The following USP28 variants were observed in gnomAD, a reference collection of about 807,000 sequenced individuals.
USP28 encodes ubiquitin specific peptidase 28, also known as ubiquitin carboxyl-terminal hydrolase 28.
USP28 carries 113 observed loss-of-function variants against 145.0 expected under a neutral mutation model. The ratio of observed to expected loss-of-function variants is 0.78; its 90% confidence interval spans 0.67 to 0.91. USP28 has a LOEUF of 0.91. Among genes scored for constraint, USP28 ranks in the 40% least tolerant of loss-of-function variants. USP28 has a pLI of 0.00. For synonymous variants in USP28, 447 were observed against 450.9 expected (o/e 0.99, Z 0.11); for missense variants, 1,201 against 1,289.6 (o/e 0.93, Z 1.05).
exon 18 of USP28, chr11:113,808,387 C>T (rs1367963051): frequency 2.5e-6 from 4 of 1,614,118 alleles, no homozygotes; most frequent in Non-Finnish European, 3.4e-6. Flanking sequence ...ACAATCACAG[C>T]ATGCTCAGAC....
Position 113,813,948 on chromosome 11 carries a change from C to G in USP28, c.1680G>C (p.Lys560Asn), listed in dbSNP as rs137875806. The G allele has an allele frequency of 3.7e-6, 6 of 1,605,176 alleles. No individual in the cohort carries two copies. The African/African-American group carries it at 8.1e-5, about 22-fold the overall frequency. ...TCTGAGTAGTACTTGCAATACAAGT[C>G]TTTAAATCTGTTTGGAAAAAGAAAA... Residue 560 changes from lysine (K) to asparagine (N), a missense_variant, in exon 15 of 25, where the codon AAG (lysine) becomes AAC (asparagine). By Grantham distance (94) the Lys-to-Asn change is moderately conservative (BLOSUM62 0). Transcript: ENST00000003302.
At chr11:113,799,114 G>T in exon 25 of USP28, 1 of 1,052,046 alleles carries the variant, frequency 9.5e-7, no homozygotes, top group Non-Finnish European at 1.4e-6. Context: ...ATGCAGCATG[G>T]TTGGGGTCTG....
chr11:113,852,571 G>A (rs780129540), exon 3 of USP28: 1 of 1,614,114 alleles, frequency 6.2e-7, no homozygotes. Flanking sequence ...TGTCTTGACT[G>A]GGCTCCTTAA....
In USP28 at chr11:113,874,381, C is replaced by A. The variant is rs1054935881; in HGVS notation, c.57+1064G>T. On this transcript the variant is annotated intron_variant, in intron 1 of 24. Transcript: ENST00000003302. ...CGGAGGATGCAGTGAGCCGACATCG[C>A]GCCACAGCACTCCAGCCTAGGCAAC... 1.2e-4 allele frequency: 98 copies of A among 816,600 alleles called. 1 individual carries two copies. The highest frequency in any genetic ancestry group is 1.6e-4 in the Non-Finnish European group (97 of 614,974). 50.6% of individuals were successfully genotyped at this position (816,600 alleles called of 1,614,324 possible). A position where few individuals can be genotyped will look rare whatever the true frequency, so the allele number is the denominator to read the frequency against.
At chr11:113,837,085 G>T (rs1348735749) in intron 5 of USP28, among the ~76,000 whole-genome samples, 2 of 152,114 alleles carry the variant, frequency 1.3e-5, no homozygotes, top group African/African-American at 4.8e-5. Flanking sequence ...CACCTCTCCT[G>T]CAGTTCCAAT....
In USP28 at chr11:113,814,976, C is replaced by T. The variant is rs1360008273; in HGVS notation, c.1672+198G>A. Reference sequence around the variant, plus strand: ...CTGAGCCATGAAAATCGCCTGAACCCGGAAGGCGGAGGTTTCAGTGAGCTG... The same window carrying T: ...CTGAGCCATGAAAATCGCCTGAACCTGGAAGGCGGAGGTTTCAGTGAGCTG... On this transcript the variant is annotated intron_variant, in intron 14 of 24. Transcript: ENST00000003302. Among the ~76,000 whole-genome samples, 3 of 151,926 alleles carry T rather than the reference C, an allele frequency of 2.0e-5. No homozygotes were observed. The South Asian group carries it at 6.2e-4, about 32-fold the overall frequency.
chr11:113,799,884 C>T (rs1298417620), intron 24 of USP28, among the ~76,000 whole-genome samples: 1 of 152,128 alleles, frequency 6.6e-6, no homozygotes, highest in Non-Finnish European at 1.5e-5. Context: ...TGTTGGGCTT[C>T]AGGTTGGACA....
At chr11:113,863,226 TAA>T (rs1459248472) in intron 1 of USP28, among the ~76,000 whole-genome samples, 1 of 152,022 alleles carries the variant, frequency 6.6e-6, no homozygotes, top group Non-Finnish European at 1.5e-5. Flanking sequence ...TGTGTTTTTA[TAA>T]AACAGCAATA....
chr11:113,852,575 T>C, exon 3 of USP28: 1 of 1,614,200 alleles, frequency 6.2e-7, no homozygotes, highest in Non-Finnish European at 8.5e-7. Context: ...TTGACTGGGC[T>C]CCTTAACTCT....
At chr11:113,875,569 C>G (rs1565538912) in exon 1 of USP28, 12 of 1,090,132 alleles carry the variant, frequency 1.1e-5, no homozygotes, top group African/African-American at 3.4e-5. Flanking sequence ...CCTCTCAGGA[C>G]TAGGCCCCGC....
chr11:113,857,868 C>CT (rs959124297), intron 1 of USP28, among the ~76,000 whole-genome samples: 82 of 148,054 alleles, frequency 5.5e-4, no homozygotes, highest in Middle Eastern at 3.5e-3. Context: ...CTTTCGTTTC[C>CT]TTTTTTTTTT....
At position 113,812,419 on chromosome 11, in the gene USP28, CG is replaced by C. The variant is rs1565350079; in HGVS notation, c.1828del (p.Arg610AspfsTer28). On this transcript the variant is annotated frameshift_variant, in exon 16 of 25. Transcript: ENST00000003302. LOFTEE classifies it high-confidence loss of function. ...GTCATTGTACTTGAGCCAGCTCTGT[CG>C]GGGTTGATTATAGATATAGGCCCAA... The C allele has an allele frequency of 3.7e-6, 6 of 1,614,066 alleles. No individual in the cohort carries two copies. Among genetic ancestry groups the C allele is most frequent in the Non-Finnish European group, 5.1e-6 (6 of 1,180,006 alleles).
chr11:113,832,062 C>T lies in USP28; in HGVS notation c.760-69G>A, dbSNP rs1944057578. ...AAGAGAAATTAAAATTTATCCTTAT[C>T]CCACCAATGAATTAAGATTATACTA... On this transcript the variant is annotated intron_variant, in intron 7 of 24. Coordinates refer to ENST00000003302, the Ensembl canonical transcript of USP28. 4 of 1,282,992 alleles carry T rather than the reference C, an allele frequency of 3.1e-6. No homozygotes were observed. In the South Asian group the frequency reaches 5.0e-5, roughly 16 times the overall value. The allele number at this position is 1,282,992 out of a possible 1,614,324, so 79.5% of individuals were successfully genotyped here. A position where few individuals can be genotyped will look rare whatever the true frequency, so the allele number is the denominator to read the frequency against.
chr11:113,870,627 G>A (rs979828725), intron 1 of USP28, among the ~76,000 whole-genome samples: 9 of 152,198 alleles, frequency 5.9e-5, no homozygotes, highest in African/African-American at 2.2e-4. Context: ...GCAGGCCTCT[G>A]AACAATCAGC....
At chr11:113,847,875 C>G (rs11214741) in intron 3 of USP28, among the ~76,000 whole-genome samples, 76,916 of 151,982 alleles carry the variant, frequency 0.51, 20,705 homozygotes, top group Non-Finnish European at 0.6. Context: ...AAGGACACCC[C>G]TTCAGTGTGG....
exon 20 of USP28, chr11:113,805,015 T>G (rs746103323): frequency 1.4e-5 from 22 of 1,613,918 alleles, no homozygotes; most frequent in Non-Finnish European, 1.8e-5. Context: ...TTTGGCAAGC[T>G]GATAGAGCCT....
exon 10 of USP28, chr11:113,829,266 C>A: frequency 6.2e-7 from 1 of 1,614,142 alleles, no homozygotes; most frequent in South Asian, 1.1e-5. Context: ...TGGCCCCTTC[C>A]AAACACTCGT....
chr11:113,862,435 G>A (rs1252644302), intron 1 of USP28, among the ~76,000 whole-genome samples: 1 of 152,208 alleles, frequency 6.6e-6, no homozygotes, highest in Non-Finnish European at 1.5e-5. Flanking sequence ...GGTTTGATCT[G>A]ATGAACAATG....
Position 113,875,449 on chromosome 11 carries a change from C to T in USP28, c.53G>A (p.Gly18Asp). The change falls in exon 1 of 25, where the codon GGC (glycine) becomes GAC (aspartate). Residue 18 changes from glycine to aspartate, a missense_variant. By Grantham distance (94) the Gly-to-Asp change is moderately conservative (BLOSUM62 -1). Transcript: ENST00000003302. ...GCTCGCCGCCGCGGAGCCCACCGAG[C>T]CGTGGCCGTCTGCCGCGCCGGCCGC... 5 of 1,249,738 alleles carry T rather than the reference C, an allele frequency of 4.0e-6. No individual in the cohort carries two copies. The highest frequency in any genetic ancestry group is 5.0e-6 in the Non-Finnish European group (5 of 991,020). 77.4% of individuals were successfully genotyped at this position (1,249,738 alleles called of 1,614,324 possible). A position where few individuals can be genotyped will look rare whatever the true frequency, so the allele number is the denominator to read the frequency against.
Sources: gnomAD v4.1 joint callset for allele counts (sites outside exome capture counted in the v4.1 genomes callset) on GRCh38, gnomAD v4.1.1 for gene constraint, MANE v1.5 for transcripts, NCBI Gene and HGNC (gene_info 2026-07-23, HGNC 2026-07-21) for gene names.